The following NRTN variants were observed in gnomAD, a reference collection of about 807,000 sequenced individuals.
NRTN encodes the protein prepro-neurturin.
Under a neutral mutation model 7.5 loss-of-function variants are expected in NRTN, and 3 were observed. The ratio of observed to expected loss-of-function variants is 0.40; its 90% CI spans 0.18 to 1.03. The LOEUF (loss-of-function observed/expected upper bound fraction) is 1.03, where lower values mean the gene tolerates loss of function less well. Ranked by LOEUF, NRTN falls within the 50% of genes least tolerant of loss-of-function variation. The probability of loss-of-function intolerance (pLI) is 0.34; values close to 1 mark genes in which losing one functional copy is unlikely to be tolerated. For missense variants in NRTN, 310 were observed against 307.0 expected (o/e 1.01, Z -0.07); for synonymous variants, 157 against 146.6 (o/e 1.07, Z -0.51).
chr19:5,823,264 A>C (rs2144766212), intron 1 of NRTN, among the ~76,000 whole-genome samples: 1 of 152,122 alleles, frequency 6.6e-6, no homozygotes, highest in East Asian at 1.9e-4. Flanking sequence ...TAAAAATACA[A>C]AAATTAGCCA....
chr19:5,813,524 A>G (rs556648885), intron 1 of NRTN, among the ~76,000 whole-genome samples: 3 of 152,140 alleles, frequency 2.0e-5, no homozygotes, highest in South Asian at 4.1e-4. Context: ...ATACAAAAAA[A>G]TTAACCAGGC....
intron 1 of NRTN, among the ~76,000 whole-genome samples, chr19:5,815,427 A>ATTTT (rs754233565): frequency 7.5e-5 from 9 of 120,076 alleles, no homozygotes; most frequent in East Asian, 2.5e-4. Flanking sequence ...TGTGAGTGTG[A>ATTTT]TTTTTTTTTT....
At position 5,812,122 on chromosome 19, in the gene NRTN, C is replaced by T. The variant is rs1009945787; in HGVS notation, c.-399+6671C>T. ...TCCTGACCTCGTGATCCACCCGCCT[C>T]GGCCTCCTAAGTGCTGGGATTACAG... On this transcript the variant is annotated intron_variant, in intron 1 of 2. Transcript: ENST00000303212. Among the ~76,000 whole-genome samples, 7 of 151,742 alleles carry T rather than the reference C, an allele frequency of 4.6e-5. No individual in the cohort carries two copies. The East Asian group carries it at 5.8e-4, about 13-fold the overall frequency.
intron 2 of NRTN, among the ~76,000 whole-genome samples, chr19:5,826,782 A>C (rs2057048186): frequency 6.6e-6 from 1 of 151,986 alleles, no homozygotes; most frequent in Non-Finnish European, 1.5e-5. Flanking sequence ...TTGGGTAATA[A>C]ATTTAGGCTG....
intron 1 of NRTN, among the ~76,000 whole-genome samples, chr19:5,808,907 C>T (rs780036835): frequency 6.6e-6 from 1 of 152,000 alleles, no homozygotes. Flanking sequence ...AGGCGCCCAC[C>T]ACCACGCCCG....
At chr19:5,808,532 C>T (rs2056980440) in intron 1 of NRTN, among the ~76,000 whole-genome samples, 1 of 152,166 alleles carries the variant, frequency 6.6e-6, no homozygotes, top group African/African-American at 2.4e-5. Context: ...AGCTGGGTGG[C>T]GGGTACAGGA....
chr19:5,828,040 T>C lies in NRTN; in HGVS notation c.461T>C (p.Leu154Pro). ...GLRRLRQRRRLRRERVRAQPC... is the reference protein window; with the variant it reads ...GLRRLRQRRRPRRERVRAQPC... ...CGACGACTGCGCCAGCGGCGGCGCC[T>C]GCGGCGGGAGCGGGTGCGCGCGCAG... The change falls in exon 3 of 3, where the codon CTG becomes CCG. Residue 154 changes from leucine to proline, a missense_variant. Leu to Pro is a moderately conservative substitution (Grantham distance 98). Transcript: ENST00000303212. 7 of 1,410,780 alleles carry C rather than the reference T, an allele frequency of 5.0e-6. No homozygotes were observed. The highest frequency in any genetic ancestry group is 6.4e-6 in the Non-Finnish European group (7 of 1,090,844). 87.4% of individuals were successfully genotyped at this position (1,410,780 alleles called of 1,614,324 possible).
chr19:5,823,378 C>T (rs1184177299), intron 1 of NRTN, among the ~76,000 whole-genome samples: 1 of 152,076 alleles, frequency 6.6e-6, no homozygotes, highest in African/African-American at 2.4e-5. Flanking sequence ...GATTGCGCCA[C>T]TGCACTCCAG....
intron 1 of NRTN, among the ~76,000 whole-genome samples, chr19:5,808,372 G>C (rs2056980048): frequency 6.6e-6 from 1 of 152,270 alleles, no homozygotes; most frequent in East Asian, 1.9e-4. Context: ...AGATGCCTCC[G>C]AGGCCAGCCC....
rs572437430 is a variant in NRTN, at chr19:5,805,723, T to A, written c.-399+272T>A. Among the ~76,000 whole-genome samples the A allele has an allele frequency of 2.6e-5, 4 of 151,992 alleles. No individual in the cohort carries two copies. In the South Asian group the frequency reaches 8.3e-4, roughly 32 times the overall value. On this transcript the variant is annotated intron_variant, in intron 1 of 2. Transcript: ENST00000303212. ...GTCCGACGGGGCGGGCGCACTCCTG[T>A]CTCCTAAAACCTCCAAGTGTGCATC...
intron 2 of NRTN, 90 bp downstream of exon 2, chr19:5,824,424 T>C (rs2144767551): frequency 3.4e-6 from 5 of 1,488,218 alleles, no homozygotes; most frequent in East Asian, 2.5e-5. Context: ...GGGGGTGTCA[T>C]AGGTTTTTTA....
chr19:5,819,207 T>C (rs1420855958), intron 1 of NRTN, among the ~76,000 whole-genome samples: 1 of 149,500 alleles, frequency 6.7e-6, no homozygotes, highest in African/African-American at 2.4e-5. Flanking sequence ...TCTGGACCTG[T>C]TTCCCATTCA....
At chr19:5,816,230 T>C (rs2057004817) in intron 1 of NRTN, among the ~76,000 whole-genome samples, 1 of 152,026 alleles carries the variant, frequency 6.6e-6, no homozygotes, top group African/African-American at 2.4e-5. Context: ...GCTAACGTCC[T>C]TTCTCTGTCC....
chr19:5,817,207 A>G (rs11878862), intron 1 of NRTN, among the ~76,000 whole-genome samples: 35,457 of 151,436 alleles, frequency 0.23, 5,245 homozygotes, highest in East Asian at 0.57. Flanking sequence ...ACAAAAATAT[A>G]GCGAGGCATG....
At position 5,820,735 on chromosome 19, in the gene NRTN, C is replaced by CAAAAAAAAAAAAA. The variant is rs1332878144; in HGVS notation, c.-398-3031_-398-3030insAAAAAAAAAAAAA. Reference sequence around the variant, plus strand: ...TGGGCAACAGAGTGAAACTCTGTCTCAAGAAAAAAAAAAAAAAAAAAAAAA... The same window carrying CAAAAAAAAAAAAA: ...TGGGCAACAGAGTGAAACTCTGTCTCAAAAAAAAAAAAAAAGAAAAAAAAAAAAAAAAAAAAAA... On this transcript the variant is annotated intron_variant, in intron 1 of 2. Transcript: ENST00000303212. Among the ~76,000 whole-genome samples, 18 of 62,138 alleles carry CAAAAAAAAAAAAA rather than the reference C, an allele frequency of 2.9e-4. 3 individuals are homozygous for CAAAAAAAAAAAAA. The East Asian group carries it at 3.6e-3, about 12-fold the overall frequency. 40.8% of individuals were successfully genotyped at this position (62,138 alleles called of 152,430 possible). A position where few individuals can be genotyped will look rare whatever the true frequency, so the allele number is the denominator to read the frequency against.
intron 1 of NRTN, among the ~76,000 whole-genome samples, chr19:5,805,987 G>C (rs964660112): frequency 7.9e-5 from 12 of 152,142 alleles, no homozygotes; most frequent in African/African-American, 2.4e-4. Context: ...TGAGGGCCGG[G>C]CCCTCTCGGC....
intron 1 of NRTN, among the ~76,000 whole-genome samples, chr19:5,823,037 GA>G (rs1432820978): frequency 8.3e-5 from 9 of 108,662 alleles, no homozygotes; most frequent in African/African-American, 2.8e-4. Context: ...AAAAAAGAAA[GA>G]GAGAGAGAGA....
rs576752620 is a variant in NRTN, at chr19:5,822,453, G to T, written c.-398-1315G>T. 5.3e-5 allele frequency among the ~76,000 whole-genome samples: 8 copies of T among 152,352 alleles called. No individual in the cohort carries two copies. The South Asian group carries it at 1.0e-3, about 20-fold the overall frequency. ...AATGTAAACTCGGGCTGGGGGCCGC[G>T]GGACGCTCGGGAGGAGCCCAGACGG... is the stretch of plus-strand genomic sequence containing the variant. On this transcript the variant is annotated intron_variant, in intron 1 of 2. Transcript: ENST00000303212.
At chr19:5,822,713 A>C (rs982313311) in intron 1 of NRTN, among the ~76,000 whole-genome samples, 1 of 152,204 alleles carries the variant, frequency 6.6e-6, no homozygotes, top group Non-Finnish European at 1.5e-5. Context: ...TTGCAAGGGG[A>C]GTGAGAGCTA....
Sources: allele counts gnomAD v4.1 joint callset (sites outside exome capture counted in the v4.1 genomes callset), GRCh38; gene constraint gnomAD v4.1.1; transcripts MANE v1.5; gene names NCBI Gene and HGNC (gene_info 2026-07-23, HGNC 2026-07-21).